HIPK3: variants seen among roughly 807,000 people sequenced by gnomAD.
HIPK3 encodes homeodomain-interacting protein kinase 3.
Under a neutral mutation model 124.2 loss-of-function variants are expected in HIPK3, and 47 were observed. The observed-to-expected ratio is 0.38, with a 90% CI of 0.30 to 0.48. HIPK3 has a LOEUF of 0.48. HIPK3 is among the 20% of genes least tolerant of loss of function. The probability of loss-of-function intolerance (pLI) is 0.98; values close to 1 mark genes in which losing one functional copy is unlikely to be tolerated. For missense variants in HIPK3, 1,286 were observed against 1,454.3 expected (o/e 0.88, Z 1.88); for synonymous variants, 482 against 515.2 (o/e 0.94, Z 0.87).
rs1853550631 is a variant in HIPK3 at position 33,348,025 on chromosome 11, T to C, written c.2306+12T>C. On this transcript the variant is annotated intron_variant, in intron 11 of 16. Coordinates refer to ENST00000303296, the MANE Select transcript of HIPK3 (RefSeq NM_005734.5). ...CAGTGCCAGAACAGGTTGGTATTGG[T>C]GCTTTAGCTTTCCTCTGCATTTTGA... 1 of 1,613,754 alleles carries C rather than the reference T, an allele frequency of 6.2e-7. No homozygotes were observed. Among genetic ancestry groups the C allele is most frequent in the African/African-American group, 1.3e-5 (1 of 74,942 alleles).
chr11:33,332,488 GATGA>G (rs1408518651), intron 3 of HIPK3, among the ~76,000 whole-genome samples: 1 of 152,168 alleles, frequency 6.6e-6, no homozygotes, highest in African/African-American at 2.4e-5. Flanking sequence ...TGGTTGAATG[GATGA>G]ATGGATGGAT....
intron 8 of HIPK3, among the ~76,000 whole-genome samples, chr11:33,343,280 T>G (rs1236449733): frequency 1.3e-5 from 2 of 151,284 alleles, no homozygotes; most frequent in Non-Finnish European, 2.9e-5. Context: ...TGTGTGTGTG[T>G]GTGTGTGTGT....
chr11:33,335,627 T>C (rs919036441), intron 3 of HIPK3: 1 of 152,012 alleles, frequency 6.6e-6, no homozygotes, highest in Non-Finnish European at 1.5e-5. Context: ...GAGAGTTAAG[T>C]AGTTAAGGGA....
intron 1 of HIPK3, among the ~76,000 whole-genome samples, chr11:33,260,389 G>A (rs1026042991): frequency 1.3e-5 from 2 of 152,190 alleles, no homozygotes; most frequent in African/African-American, 4.8e-5. Context: ...CATATGGAAA[G>A]GAGGAAAGGG....
At position 33,341,084 on chromosome 11, in the gene HIPK3, C is replaced by A; in HGVS notation, c.1730C>A (p.Thr577Lys). ...LRPVASSSTA[T>K]LTANFTKIGT... Reference sequence around the variant, plus strand: ...CCAGTTGCTTCAAGCAGTACTGCTACACTGACTGCAAATTTTACTAAAATC... The same window carrying A: ...CCAGTTGCTTCAAGCAGTACTGCTAAACTGACTGCAAATTTTACTAAAATC... Residue 577 changes from threonine to lysine, a missense_variant, in exon 7 of 17, where the codon ACA becomes AAA. This residue lies in a region of HIPK3 where 810 missense variants were observed against 864.9 expected (regional missense o/e 0.94). Transcript: ENST00000303296. 6 of 1,602,230 alleles carry A rather than the reference C, an allele frequency of 3.7e-6. No individual in the cohort carries two copies. Among genetic ancestry groups the A allele is most frequent in the Non-Finnish European group, 5.1e-6 (6 of 1,176,004 alleles).
Position 33,328,364 on chromosome 11 carries a change from G to A in HIPK3, c.1098-146G>A, listed in dbSNP as rs1277982716. ...CAGATTAATTCAGGATTATGTCTAG[G>A]TTTCAAAGAGTTCTGAAATAGTGAA... is the stretch of plus-strand genomic sequence containing the variant. On this transcript the variant is annotated intron_variant, in intron 2 of 16. Coordinates refer to ENST00000303296, the MANE Select transcript of HIPK3 (RefSeq NM_005734.5). 5.8e-6 allele frequency: 4 copies of A among 694,302 alleles called. No homozygotes were observed. In the East Asian group the frequency reaches 7.9e-5, roughly 14 times the overall value. The allele number at this position is 694,302 out of a possible 1,614,324, so 43.0% of individuals were successfully genotyped here.
chr11:33,263,597 GC>G (rs1459010340), intron 1 of HIPK3, among the ~76,000 whole-genome samples: 1 of 152,146 alleles, frequency 6.6e-6, no homozygotes, highest in Non-Finnish European at 1.5e-5. Context: ...ATTACAGTAA[GC>G]CACCGCGCCT....
intron 2 of HIPK3, among the ~76,000 whole-genome samples, chr11:33,328,104 T>A (rs191828149): frequency 6.6e-6 from 1 of 152,330 alleles, no homozygotes; most frequent in Admixed American, 6.5e-5. Flanking sequence ...AGGATTTTGC[T>A]TTGTTTTTGT....
At chr11:33,282,821 T>A (rs1851447371) in intron 1 of HIPK3, among the ~76,000 whole-genome samples, 1 of 152,162 alleles carries the variant, frequency 6.6e-6, no homozygotes, top group South Asian at 2.1e-4. Context: ...ACCTATAGTC[T>A]ATTTGAGATT....
intron 1 of HIPK3, among the ~76,000 whole-genome samples, chr11:33,278,748 G>A (rs1851334635): frequency 6.6e-6 from 1 of 152,132 alleles, no homozygotes; most frequent in South Asian, 2.1e-4. Flanking sequence ...GAAGGCTGAG[G>A]CAGGAGAATG....
chr11:33,277,598 T>G (rs910792073), intron 1 of HIPK3, among the ~76,000 whole-genome samples: 1 of 152,242 alleles, frequency 6.6e-6, no homozygotes, highest in Non-Finnish European at 1.5e-5. Context: ...ACAATTAGAT[T>G]ATTCTGAAAT....
At position 33,341,512 on chromosome 11, in the gene HIPK3, G is replaced by A. The variant is rs60771284; in HGVS notation, c.1774-51G>A. On this transcript the variant is annotated intron_variant, in intron 7 of 16. Coordinates refer to ENST00000303296, the MANE Select transcript of HIPK3 (RefSeq NM_005734.5). ...TGTGTTTGAATTCTATTTATACAGC[G>A]TGTATATTTCATTTAGAAGACTGCT... 12,695 of 1,489,300 alleles carry A rather than the reference G, an allele frequency of 8.5e-3. 1,023 individuals carry two copies. The Admixed American group carries it at 0.17, about 20-fold the overall frequency. The allele number at this position is 1,489,300 out of a possible 1,614,324, so 92.3% of individuals were successfully genotyped here.
chr11:33,333,935 TTCTG>T (rs1215445458), intron 3 of HIPK3, among the ~76,000 whole-genome samples: 1 of 152,224 alleles, frequency 6.6e-6, no homozygotes, highest in Non-Finnish European at 1.5e-5. Context: ...TTGATGGCTT[TTCTG>T]TCTGATGCAG....
chr11:33,292,767 G>A (rs1488463568), intron 2 of HIPK3, among the ~76,000 whole-genome samples: 5 of 151,988 alleles, frequency 3.3e-5, no homozygotes, highest in African/African-American at 4.8e-5. Flanking sequence ...ATGGAGTCTC[G>A]CTCTGTTGCC....
intron 2 of HIPK3, among the ~76,000 whole-genome samples, chr11:33,288,403 C>T (rs952518556): frequency 3.9e-5 from 6 of 152,108 alleles, no homozygotes; most frequent in African/African-American, 7.2e-5. Context: ...TGCAGTGAGC[C>T]GAGATCATGC....
At chr11:33,287,557 T>G in intron 2 of HIPK3, 46 bp downstream of exon 2, 1 of 1,554,918 alleles carries the variant, frequency 6.4e-7, no homozygotes, top group Non-Finnish European at 8.7e-7. Flanking sequence ...AATGTGAAAT[T>G]TCTGCTAAAT....
At chr11:33,318,808 G>C (rs1852580236) in intron 2 of HIPK3, among the ~76,000 whole-genome samples, 1 of 152,124 alleles carries the variant, frequency 6.6e-6, no homozygotes, top group African/African-American at 2.4e-5. Flanking sequence ...CTGCTCTGTA[G>C]AAAATAAAAT....
intron 13 of HIPK3, 112 bp from the exon 14 acceptor site, chr11:33,349,035 T>C: frequency 9.4e-7 from 1 of 1,062,142 alleles, no homozygotes; most frequent in Non-Finnish European, 1.4e-6. Flanking sequence ...TTTTTGTCCA[T>C]GTAGGTCATT....
At chr11:33,258,196 G>GGGGGCGC in intron 1 of HIPK3, 1 of 635,136 alleles carries the variant, frequency 1.6e-6, no homozygotes, top group Non-Finnish European at 2.0e-6. Context: ...CCGGGGCCCG[G>GGGGGCGC]GGGCCTCGGC....
Sources: gnomAD v4.1 joint callset for allele counts (sites outside exome capture counted in the v4.1 genomes callset) on GRCh38, gnomAD v4.1.1 for gene constraint, gnomAD v4.1.1 regional missense constraint, MANE v1.5 for transcripts, NCBI Gene and HGNC (gene_info 2026-07-23, HGNC 2026-07-21) for gene names.